PALS1: variants seen among roughly 807,000 people sequenced by gnomAD.
PALS1 encodes the protein protein associated with LIN7 1, MAGUK p55 family member.
In PALS1, 31 loss-of-function variants were observed where a neutral mutation model predicts 78.9. The ratio of observed to expected loss-of-function variants is 0.39; its 90% CI spans 0.30 to 0.53. The LOEUF (loss-of-function observed/expected upper bound fraction) is 0.53, where lower values mean the gene tolerates loss of function less well. Among genes scored for constraint, PALS1 ranks in the 20% least tolerant of loss-of-function variants. The pLI, the probability that PALS1 is intolerant of heterozygous loss-of-function variation, is 0.67. For synonymous variants in PALS1, 276 were observed against 270.9 expected (o/e 1.02, Z -0.18); for missense variants, 704 against 826.5 (o/e 0.85, Z 1.82).
chr14:67,293,763 G>C (rs1481693222), intron 4 of PALS1, among the ~76,000 whole-genome samples: 2 of 152,128 alleles, frequency 1.3e-5, no homozygotes, highest in East Asian at 3.8e-4. Flanking sequence ...CAAGTGAACT[G>C]GTTTCAAATC....
chr14:67,286,354 C>G (rs913528996), intron 3 of PALS1, among the ~76,000 whole-genome samples: 7 of 152,172 alleles, frequency 4.6e-5, no homozygotes, highest in African/African-American at 1.7e-4. Context: ...TTTCTTCTCT[C>G]TGTCCTCTGT....
chr14:67,273,930 G>T (rs1187129163), intron 2 of PALS1, among the ~76,000 whole-genome samples: 1 of 152,190 alleles, frequency 6.6e-6, no homozygotes, highest in Non-Finnish European at 1.5e-5. Context: ...CTTTTGAGAA[G>T]TGTCTGTTCA....
chr14:67,264,590 C>T (rs2084289779), intron 1 of PALS1, among the ~76,000 whole-genome samples: 1 of 152,058 alleles, frequency 6.6e-6, no homozygotes, highest in African/African-American at 2.4e-5. Context: ...CATTGTTCTG[C>T]ATGTAGATAT....
At chr14:67,292,805 T>G in intron 4 of PALS1, 86 bp downstream of exon 4, 1 of 1,000,400 alleles carries the variant, frequency 1.0e-6, no homozygotes, top group Non-Finnish European at 1.5e-6. Context: ...CTAATGTGAC[T>G]ATAAGATTTG....
chr14:67,320,417 C>G lies in PALS1; in HGVS notation c.1537+20C>G. The G allele has an allele frequency of 6.4e-7, 1 of 1,570,766 alleles. No individual in the cohort carries two copies. On this transcript the variant is annotated intron_variant, in intron 12 of 14. Transcript: ENST00000261681. ...TTCCTCGTAAGTTTGAATGCATTCC[C>G]ATTTTCCTGTGCTTTTCAATTTACC...
chr14:67,283,550 A>G (rs535864813), intron 3 of PALS1, among the ~76,000 whole-genome samples: 8 of 152,282 alleles, frequency 5.3e-5, no homozygotes, highest in South Asian at 2.1e-4. Context: ...TTGTTTAGCT[A>G]TTGTTACAGA....
At chr14:67,242,267 G>A (rs1595553682) in intron 1 of PALS1, among the ~76,000 whole-genome samples, 1 of 152,100 alleles carries the variant, frequency 6.6e-6, no homozygotes, top group South Asian at 2.1e-4. Flanking sequence ...GTTTTTCTTG[G>A]CAGTTTATGC....
At chr14:67,284,572 A>C (rs1460941270) in intron 3 of PALS1, among the ~76,000 whole-genome samples, 1 of 144,304 alleles carries the variant, frequency 6.9e-6, no homozygotes, top group African/African-American at 2.5e-5. Context: ...AAAAAAAAAA[A>C]AAAAAAAAAA....
At chr14:67,284,317 G>A (rs2084643914) in intron 3 of PALS1, among the ~76,000 whole-genome samples, 1 of 151,348 alleles carries the variant, frequency 6.6e-6, no homozygotes, top group South Asian at 2.1e-4. Flanking sequence ...AGGTTGTGCA[G>A]GCAGGCGTGG....
chr14:67,266,416 C>G (rs2084325329), intron 1 of PALS1, among the ~76,000 whole-genome samples: 1 of 152,116 alleles, frequency 6.6e-6, no homozygotes, highest in Non-Finnish European at 1.5e-5. Flanking sequence ...GCCTCTGCCT[C>G]CTGGGTTCAA....
chr14:67,253,016 A>G (rs954006552), intron 1 of PALS1, among the ~76,000 whole-genome samples: 6 of 152,204 alleles, frequency 3.9e-5, no homozygotes, highest in African/African-American at 7.2e-5. Context: ...TTGTTTTTCC[A>G]TAGGCACATA....
At chr14:67,281,544 T>C (rs949739172) in intron 3 of PALS1, among the ~76,000 whole-genome samples, 2 of 152,098 alleles carry the variant, frequency 1.3e-5, no homozygotes, top group Admixed American at 1.3e-4. Context: ...TCTGAAAATA[T>C]TTTATTGGAG....
chr14:67,286,083 C>T (rs1257495613), intron 3 of PALS1, among the ~76,000 whole-genome samples: 1 of 152,158 alleles, frequency 6.6e-6, no homozygotes, highest in Non-Finnish European at 1.5e-5. Flanking sequence ...ATAATTTAAA[C>T]TAGATATAAA....
chr14:67,317,192 G>A lies in PALS1; in HGVS notation c.1298-216G>A, dbSNP rs1261048223. Among the ~76,000 whole-genome samples, 5 of 152,202 alleles carry A rather than the reference G, an allele frequency of 3.3e-5. 1 individual carries two copies. The East Asian group carries it at 9.6e-4, about 29-fold the overall frequency. On this transcript the variant is annotated intron_variant, in intron 10 of 14. Coordinates refer to ENST00000261681, the MANE Select transcript of PALS1 (RefSeq NM_022474.4). ...GTAAATTAAAAACAAGCTGGGTGTG[G>A]TGGTTTGCACCTGTAATCCCAGCAC...
chr14:67,286,628 G>A (rs1276816513), intron 3 of PALS1, among the ~76,000 whole-genome samples: 1 of 151,882 alleles, frequency 6.6e-6, no homozygotes, highest in Non-Finnish European at 1.5e-5. Context: ...GGCCGAGGTG[G>A]GTGGATCGCT....
At chr14:67,310,407 A>G (rs913286526) in intron 8 of PALS1, among the ~76,000 whole-genome samples, 4 of 152,182 alleles carry the variant, frequency 2.6e-5, no homozygotes, top group Non-Finnish European at 5.9e-5. Flanking sequence ...TACAGGGGAA[A>G]ATAATCAGTG....
At position 67,279,628 on chromosome 14, in the gene PALS1, A is replaced by G. The variant is rs956217772; in HGVS notation, c.367+91A>G. The G allele has an allele frequency of 2.4e-6, 3 of 1,245,198 alleles. No individual in the cohort carries two copies. In the African/African-American group the frequency reaches 4.5e-5, roughly 19 times the overall value. 77.1% of individuals were successfully genotyped at this position (1,245,198 alleles called of 1,614,324 possible). A position where few individuals can be genotyped will look rare whatever the true frequency, so the allele number is the denominator to read the frequency against. On this transcript the variant is annotated intron_variant, in intron 3 of 14. Coordinates refer to ENST00000261681, the MANE Select transcript of PALS1 (RefSeq NM_022474.4). ...ATGAGAAGGAAGAGGGTTTAAGAGA[A>G]TGTAAGTAATGACAGTTTGAATTCC...
chr14:67,249,727 CATT>C (rs1437019161), intron 1 of PALS1, among the ~76,000 whole-genome samples: 3 of 152,114 alleles, frequency 2.0e-5, no homozygotes, highest in East Asian at 1.9e-4. Flanking sequence ...TGTGTGAAAA[CATT>C]ATATTTTGAG....
chr14:67,261,807 C>A (rs1380226110), intron 1 of PALS1, among the ~76,000 whole-genome samples: 1 of 151,850 alleles, frequency 6.6e-6, no homozygotes, highest in Non-Finnish European at 1.5e-5. Flanking sequence ...ATCTTGTTAC[C>A]ACAATCAGGT....
Sources: allele counts gnomAD v4.1 joint callset (sites outside exome capture counted in the v4.1 genomes callset), GRCh38; gene constraint gnomAD v4.1.1; transcripts MANE v1.5; gene names NCBI Gene and HGNC (gene_info 2026-07-23, HGNC 2026-07-21).